THSD7A: variants seen among roughly 807,000 people sequenced by gnomAD.
THSD7A encodes thrombospondin type 1 domain containing 7A.
In THSD7A, 96 loss-of-function variants were observed where a neutral mutation model predicts 231.3. The observed-to-expected ratio is 0.41, with a 90% CI of 0.35 to 0.49. The LOEUF is 0.49. Ranked by LOEUF, THSD7A falls within the 20% of genes least tolerant of loss-of-function variation. The pLI, the probability that THSD7A is intolerant of heterozygous loss-of-function variation, is 0.05. For missense variants in THSD7A, 2,290 were observed against 2,070.2 expected, an observed-to-expected ratio of 1.11 and a Z score of -2.06; for synonymous variants, 940 against 743.3, an observed-to-expected ratio of 1.26 and a Z score of -4.30.
chr7:11,754,545 C>A (rs1438022519), intron 1 of THSD7A, among the ~76,000 whole-genome samples: 2 of 151,990 alleles, frequency 1.3e-5, no homozygotes, highest in African/African-American at 4.8e-5. Context: ...CAAGATGGTC[C>A]CCTTGGAAAG....
intron 23 of THSD7A, among the ~76,000 whole-genome samples, chr7:11,385,854 G>A (rs1583646623): frequency 6.6e-6 from 1 of 152,174 alleles, no homozygotes; most frequent in East Asian, 1.9e-4. Flanking sequence ...TTCTCCTAGT[G>A]CTATCCCTCC....
At chr7:11,525,082 C>T (rs1229934750) in intron 6 of THSD7A, among the ~76,000 whole-genome samples, 3 of 152,310 alleles carry the variant, frequency 2.0e-5, no homozygotes, top group East Asian at 1.9e-4. Context: ...ACCAAAGCTA[C>T]ATTTTAAGCC....
intron 8 of THSD7A, among the ~76,000 whole-genome samples, chr7:11,471,556 G>A (rs1445699199): frequency 6.6e-6 from 1 of 151,802 alleles, no homozygotes; most frequent in East Asian, 1.9e-4. Flanking sequence ...ATAGATCAAT[G>A]CTCTCCTCTC....
intron 8 of THSD7A, among the ~76,000 whole-genome samples, chr7:11,472,752 T>C (rs1785988734): frequency 6.6e-6 from 1 of 152,164 alleles, no homozygotes; most frequent in African/African-American, 2.4e-5. Context: ...GTAGCTTATG[T>C]AAGTGAGGAA....
intron 4 of THSD7A, among the ~76,000 whole-genome samples, chr7:11,560,950 A>T (rs1485180996): frequency 1.3e-5 from 2 of 152,218 alleles, no homozygotes; most frequent in African/African-American, 4.8e-5. Flanking sequence ...AGGAAATGTC[A>T]CACTGTTCCA....
intron 22 of THSD7A, among the ~76,000 whole-genome samples, chr7:11,403,997 C>A (rs1406915051): frequency 1.3e-5 from 2 of 152,126 alleles, no homozygotes; most frequent in African/African-American, 4.8e-5. Context: ...AAGAGAGGAA[C>A]TGAAATGAAT....
At chr7:11,673,146 G>T (rs995535097) in intron 1 of THSD7A, among the ~76,000 whole-genome samples, 2 of 152,110 alleles carry the variant, frequency 1.3e-5, no homozygotes, top group African/African-American at 4.8e-5. Context: ...AAGCATGGCA[G>T]CCTGCCTGGA....
chr7:11,710,331 T>A (rs1780911392), intron 1 of THSD7A, among the ~76,000 whole-genome samples: 1 of 150,842 alleles, frequency 6.6e-6, no homozygotes, highest in Admixed American at 6.6e-5. Flanking sequence ...CACATGTACT[T>A]CCTGTAACTC....
chr7:11,706,550 T>C (rs1362370103), intron 1 of THSD7A, among the ~76,000 whole-genome samples: 5 of 150,144 alleles, frequency 3.3e-5, no homozygotes, highest in Non-Finnish European at 1.5e-5. Context: ...TCTATACTTA[T>C]AATCTGTTAG....
rs111376568 is a variant in THSD7A, at chr7:11,386,891, G to T, written c.4412-4275C>A. 2.6e-5 allele frequency among the ~76,000 whole-genome samples: 4 copies of T among 152,158 alleles called. No individual in the cohort carries two copies. In the Middle Eastern group the frequency reaches 0.01, roughly 388 times the overall value. Reference sequence around the variant, plus strand: ...CCATCTTGAGTGAATTTCTGTATAAGGTGTAAGGAAGGGGTCCAGTTTCAG... The same window carrying T: ...CCATCTTGAGTGAATTTCTGTATAATGTGTAAGGAAGGGGTCCAGTTTCAG... On this transcript the variant is annotated intron_variant, in intron 23 of 27. Transcript: ENST00000423059.
Position 11,764,757 on chromosome 7 carries a change from C to T in THSD7A, c.190+67000G>A, listed in dbSNP as rs188374883. Among the ~76,000 whole-genome samples, 721 of 152,038 alleles carry T rather than the reference C, an allele frequency of 4.7e-3. 6 individuals are homozygous for T. Among genetic ancestry groups the T allele is most frequent in the African/African-American group, 0.017 (698 of 41,468 alleles). Reference sequence around the variant, plus strand: ...AATGGATTATATTAGGATTATATTACTTGGAAGACTTCAATAAGTCAATTT... The same window carrying T: ...AATGGATTATATTAGGATTATATTATTTGGAAGACTTCAATAAGTCAATTT... On this transcript the variant is annotated intron_variant, in intron 1 of 27. Coordinates refer to ENST00000423059, the MANE Select transcript of THSD7A (RefSeq NM_015204.3).
rs540128891 is a variant in THSD7A at position 11,465,340 on chromosome 7, G to A, written c.2369-3197C>T. Among the ~76,000 whole-genome samples, 379 of 151,192 alleles carry A rather than the reference G, an allele frequency of 2.5e-3. 1 individual carries two copies. Among genetic ancestry groups the A allele is most frequent in the African/African-American group, 8.8e-3 (359 of 40,668 alleles). On this transcript the variant is annotated intron_variant, in intron 9 of 27. Transcript: ENST00000423059. ...TTTTCATTGGAAATAACAAGTACGC[G>A]AAAAATAAGGGCACCTGCCTGTGAC...
rs1030999998 is a variant in THSD7A at position 11,370,685 on chromosome 7, TAGAC to T, written c.*5105_*5108del. The T allele has an allele frequency of 2.6e-5, 4 of 152,160 alleles. No individual in the cohort carries two copies. Among genetic ancestry groups the T allele is most frequent in the Admixed American group, 6.6e-5 (1 of 15,266 alleles). 9.4% of individuals were successfully genotyped at this position (152,160 alleles called of 1,614,324 possible). A position where few individuals can be genotyped will look rare whatever the true frequency, so the allele number is the denominator to read the frequency against. On this transcript the variant is annotated 3_prime_UTR_variant, in exon 28 of 28. Coordinates refer to ENST00000423059, the MANE Select transcript of THSD7A (RefSeq NM_015204.3). ...ACAAAGTAATATTAACAAAAATTCTTAGACAGCTGCCTCCTTATTTAAACAAAAT... is the reference window on the plus strand; with the variant it reads ...ACAAAGTAATATTAACAAAAATTCTTAGCTGCCTCCTTATTTAAACAAAAT...
intron 1 of THSD7A, among the ~76,000 whole-genome samples, chr7:11,724,864 T>A (rs1781491144): frequency 6.6e-6 from 1 of 151,906 alleles, no homozygotes; most frequent in East Asian, 1.9e-4. Flanking sequence ...CTGAGTGTGG[T>A]AATCAAAAGT....
chr7:11,678,157 G>A (rs1272496288), intron 1 of THSD7A, among the ~76,000 whole-genome samples: 60 of 151,880 alleles, frequency 4.0e-4, no homozygotes, highest in Non-Finnish European at 2.4e-4. Context: ...GAGAACAAGG[G>A]CATAACATAC....
At chr7:11,724,888 G>A (rs574978678) in intron 1 of THSD7A, among the ~76,000 whole-genome samples, 284 of 151,828 alleles carry the variant, frequency 1.9e-3, no homozygotes, top group Non-Finnish European at 3.2e-3. Flanking sequence ...TGCTGCTGAG[G>A]AGTTTCTCCC....
At chr7:11,794,837 G>A (rs1283427075) in intron 1 of THSD7A, among the ~76,000 whole-genome samples, 1 of 151,958 alleles carries the variant, frequency 6.6e-6, no homozygotes, top group Non-Finnish European at 1.5e-5. Context: ...TCAGAGCACT[G>A]TGCATGAGAA....
At chr7:11,561,563 T>C (rs1037652039) in intron 4 of THSD7A, among the ~76,000 whole-genome samples, 1 of 152,156 alleles carries the variant, frequency 6.6e-6, no homozygotes, top group Non-Finnish European at 1.5e-5. Context: ...ACAACTGTAA[T>C]CCACATTTAA....
Position 11,373,251 on chromosome 7 carries a change from G to T in THSD7A, c.*2543C>A, listed in dbSNP as rs550784667. The T allele has an allele frequency of 6.6e-6, 1 of 151,974 alleles. No individual in the cohort carries two copies. Among genetic ancestry groups the T allele is most frequent in the Non-Finnish European group, 1.5e-5 (1 of 67,924 alleles). The allele number at this position is 151,974 out of a possible 1,614,324, so 9.4% of individuals were successfully genotyped here. A position where few individuals can be genotyped will look rare whatever the true frequency, so the allele number is the denominator to read the frequency against. ...CAATACCTTAAATATAGCTTTAGTAGGTATTCTATCCCACATTTCAAAATT... is the reference window on the plus strand; with the variant it reads ...CAATACCTTAAATATAGCTTTAGTATGTATTCTATCCCACATTTCAAAATT... On this transcript the variant is annotated 3_prime_UTR_variant, in exon 28 of 28. Coordinates refer to ENST00000423059, the MANE Select transcript of THSD7A (RefSeq NM_015204.3).
Sources: allele counts gnomAD v4.1 joint callset (sites outside exome capture counted in the v4.1 genomes callset), GRCh38; gene constraint gnomAD v4.1.1; transcripts MANE v1.5; gene names NCBI Gene and HGNC (gene_info 2026-07-23, HGNC 2026-07-21).